Variants in SLC2A5 observed in about 807,000 individuals in gnomAD.
The protein encoded by SLC2A5 is solute carrier family 2 member 5, also known as solute carrier family 2, facilitated glucose transporter member 5.
Under a neutral mutation model 50.3 loss-of-function variants are expected in SLC2A5, and 56 were observed. The ratio of observed to expected loss-of-function variants is 1.11; its 90% CI spans 0.90 to 1.39. The LOEUF is 1.39. Among genes scored for constraint, SLC2A5 ranks in the 40% most tolerant of loss-of-function variants. The probability of loss-of-function intolerance (pLI) is 0.00; values close to 1 mark genes in which losing one functional copy is unlikely to be tolerated. For synonymous variants in SLC2A5, 269 were observed against 281.9 expected, an observed-to-expected ratio of 0.95 and a Z score of 0.46; for missense variants, 566 against 650.1, an observed-to-expected ratio of 0.87 and a Z score of 1.41.
chr1:9,037,698 G>A lies in SLC2A5; in HGVS notation c.1394C>T (p.Ala465Val). Residue 465 changes from alanine (A) to valine (V), a missense_variant, in exon 12 of 12, where the codon GCC (alanine) becomes GTC (valine). By Grantham distance (64) the Ala-to-Val change is moderately conservative (BLOSUM62 0). Transcript: ENST00000377424. ...CTGGTTGATCTCTATGAACGTCTTG[G>A]CCTTGGTCTCCGGGACAATCAAGAA... ...YIFLIVPETK[A>V]KTFIEINQIF... 6.2e-7 allele frequency: 1 copy of A among 1,614,162 alleles called. No homozygotes were observed. The highest frequency in any genetic ancestry group is 8.5e-7 in the Non-Finnish European group (1 of 1,180,008).
intron 3 of SLC2A5, among the ~76,000 whole-genome samples, chr1:9,056,862 C>A (rs1033396796): frequency 1.3e-5 from 2 of 152,162 alleles, no homozygotes; most frequent in African/African-American, 4.8e-5. Flanking sequence ...TGGGTCTCCA[C>A]AAGCACACAC....
chr1:9,073,905 C>A (rs1252933275), upstream of SLC2A5, among the ~76,000 whole-genome samples: 1 of 152,126 alleles, frequency 6.6e-6, no homozygotes, highest in African/African-American at 2.4e-5. Flanking sequence ...CATGGTGAAA[C>A]CCGGTCTCTA....
intron 3 of SLC2A5, among the ~76,000 whole-genome samples, chr1:9,052,070 G>C (rs1382003737): frequency 6.6e-6 from 1 of 152,176 alleles, no homozygotes; most frequent in Non-Finnish European, 1.5e-5. Context: ...CGGATCACGA[G>C]GTCAAGAGAT....
chr1:9,058,098 G>A (rs1641809616), intron 2 of SLC2A5, 54 bp downstream of exon 2: 3 of 1,360,616 alleles, frequency 2.2e-6, no homozygotes. Context: ...TCCCACCCAG[G>A]CAATGGGCTG....
intron 3 of SLC2A5, among the ~76,000 whole-genome samples, chr1:9,051,556 T>G (rs577522975): frequency 6.6e-6 from 1 of 152,112 alleles, no homozygotes; most frequent in Admixed American, 6.6e-5. Context: ...GTGCACCACA[T>G]GATGTGTTAT....
At chr1:9,068,211 C>CAA (rs1553171215) in intron 1 of SLC2A5, among the ~76,000 whole-genome samples, 1 of 101,252 alleles carries the variant, frequency 9.9e-6, no homozygotes, top group Non-Finnish European at 2.0e-5. Flanking sequence ...AAAAAAAAAG[C>CAA]GAGAGAGAGA....
intron 1 of SLC2A5, among the ~76,000 whole-genome samples, chr1:9,087,712 G>A (rs917472392): frequency 1.3e-5 from 2 of 152,036 alleles, no homozygotes; most frequent in Non-Finnish European, 2.9e-5. Context: ...CAATTAATCT[G>A]AAGGGGACTG....
chr1:9,055,040 A>G (rs1362129285), intron 3 of SLC2A5, among the ~76,000 whole-genome samples: 1 of 152,242 alleles, frequency 6.6e-6, no homozygotes, highest in Non-Finnish European at 1.5e-5. Flanking sequence ...TATATGTATG[A>G]TTAAAAAAAT....
At chr1:9,044,368 C>G (rs1641387090) in intron 4 of SLC2A5, among the ~76,000 whole-genome samples, 1 of 152,004 alleles carries the variant, frequency 6.6e-6, no homozygotes. Context: ...TTAAATTCCT[C>G]TGAGCCAATG....
chr1:9,085,995 A>C (rs1431043075), intron 1 of SLC2A5, among the ~76,000 whole-genome samples: 1 of 152,172 alleles, frequency 6.6e-6, no homozygotes, highest in African/African-American at 2.4e-5. Context: ...CTGCCCAACA[A>C]GAATAAGTCT....
At chr1:9,077,846 C>T (rs1642310322) in intron 2 of SLC2A5, among the ~76,000 whole-genome samples, 1 of 151,076 alleles carries the variant, frequency 6.6e-6, no homozygotes, top group South Asian at 2.1e-4. Flanking sequence ...AGTGTTGGTC[C>T]TGATCCAGAC....
Position 9,041,861 on chromosome 1 carries a change from C to T in SLC2A5, c.495G>A (p.Val165=). ...PKNLRGALGV[V]PQLFITVGIL... is the part of the protein sequence containing the mutation. ...TGCCAACAGTGATGAAGAGCTGGGG[C>T]ACCACCCCGAGAGCCCCCCGCAGGT... The change falls in exon 5 of 12, where the codon GTG becomes GTA. Residue 165 remains valine (V), a synonymous_variant. Transcript: ENST00000377424. The T allele has an allele frequency of 6.2e-7, 1 of 1,614,036 alleles. No homozygotes were observed. Among genetic ancestry groups the T allele is most frequent in the Non-Finnish European group, 8.5e-7 (1 of 1,180,002 alleles).
At chr1:9,050,249 G>C (rs1641536012) in intron 3 of SLC2A5, among the ~76,000 whole-genome samples, 1 of 151,606 alleles carries the variant, frequency 6.6e-6, no homozygotes, top group Admixed American at 6.6e-5. Flanking sequence ...TTGCACTCCA[G>C]CCTGGGTGAC....
At chr1:9,038,575 C>A in intron 9 of SLC2A5, 69 bp from the exon 10 acceptor site, 1 of 1,410,480 alleles carries the variant, frequency 7.1e-7, no homozygotes, top group Non-Finnish European at 9.9e-7. Flanking sequence ...GGGCGGCCAA[C>A]CTGCCCTGGT....
intron 1 of SLC2A5, among the ~76,000 whole-genome samples, chr1:9,066,417 T>C (rs1226430544): frequency 6.6e-6 from 1 of 152,082 alleles, no homozygotes. Context: ...GTACACTTTG[T>C]AGAGACCAAG....
At chr1:9,038,367 C>T (rs1460947601) in intron 10 of SLC2A5, 64 bp downstream of exon 10, 3 of 1,244,040 alleles carry the variant, frequency 2.4e-6, no homozygotes, top group African/African-American at 1.5e-5. Context: ...CTAAGGAGCT[C>T]CAGCCCGGAG....
At chr1:9,091,453 C>T (rs1642461447), upstream of SLC2A5, among the ~76,000 whole-genome samples, 1 of 152,192 alleles carries the variant, frequency 6.6e-6, no homozygotes, top group Non-Finnish European at 1.5e-5. Context: ...AATAATTACA[C>T]ACAAAAGCTC....
chr1:9,054,037 AAG>A (rs1374489637), intron 3 of SLC2A5, among the ~76,000 whole-genome samples: 1 of 152,152 alleles, frequency 6.6e-6, no homozygotes, highest in Non-Finnish European at 1.5e-5. Context: ...ATTACATCCG[AAG>A]AGAGAATTAA....
At chr1:9,049,997 C>G (rs562255971) in intron 3 of SLC2A5, among the ~76,000 whole-genome samples, 7 of 152,014 alleles carry the variant, frequency 4.6e-5, no homozygotes, top group African/African-American at 1.7e-4. Context: ...ATTGGCCAGG[C>G]GCAGTGGCTC....
Sources: gnomAD v4.1 joint callset for allele counts (sites outside exome capture counted in the v4.1 genomes callset) on GRCh38, gnomAD v4.1.1 for gene constraint, MANE v1.5 for transcripts, NCBI Gene and HGNC (gene_info 2026-07-23, HGNC 2026-07-21) for gene names.